The following RBM20 variants were observed in gnomAD, a reference collection of about 807,000 sequenced individuals.
RBM20 encodes the protein RNA binding motif protein 20.
A neutral mutation model predicts 110.1 loss-of-function variants in RBM20; 51 were observed. That is an observed-to-expected ratio of 0.46 (90% CI 0.37 to 0.59). RBM20 has a LOEUF of 0.59. RBM20 is among the 20% of genes least tolerant of loss of function. The pLI is 0.00. For synonymous variants in RBM20, 589 were observed against 618.2 expected (o/e 0.95, Z 0.70); for missense variants, 1,512 against 1,574.9 (o/e 0.96, Z 0.68).
chr10:110,672,516 C>T (rs1862276639), intron 1 of RBM20, among the ~76,000 whole-genome samples: 1 of 152,244 alleles, frequency 6.6e-6, no homozygotes, highest in South Asian at 2.1e-4. Context: ...GATCGTCAGC[C>T]AAAGCCCCCG....
In RBM20 at chr10:110,773,506, C is replaced by A. The variant is rs7080418; in HGVS notation, c.192-7295C>A. ...TGTATTTTAAAATTTTCAAAAAAAA[C>A]CAAATATGGATATTAAAAATAAATT... is the stretch of plus-strand genomic sequence containing the variant. On this transcript the variant is annotated intron_variant, in intron 1 of 13. Coordinates refer to ENST00000369519, the MANE Select transcript of RBM20 (RefSeq NM_001134363.3). 4.9e-3 allele frequency among the ~76,000 whole-genome samples: 748 copies of A among 152,024 alleles called. 1 individual carries two copies. Among genetic ancestry groups the A allele is most frequent in the Middle Eastern group, 0.041 (12 of 294 alleles).
At chr10:110,804,545 G>A (rs1844671338) in intron 7 of RBM20, among the ~76,000 whole-genome samples, 1 of 152,200 alleles carries the variant, frequency 6.6e-6, no homozygotes, top group Non-Finnish European at 1.5e-5. Flanking sequence ...ATTTCTTCAT[G>A]CACATATCTT....
At chr10:110,785,646 G>A (rs1159315904) in intron 5 of RBM20, among the ~76,000 whole-genome samples, 1 of 152,112 alleles carries the variant, frequency 6.6e-6, no homozygotes, top group Non-Finnish European at 1.5e-5. Flanking sequence ...GCCTAGAGGT[G>A]CTGACCTGGC....
rs752173056 is a variant in RBM20 at position 110,836,169 on chromosome 10, C to T, written c.*191C>T. The T allele has an allele frequency of 1.6e-5, 7 of 432,980 alleles. No individual in the cohort carries two copies. Among genetic ancestry groups the T allele is most frequent in the African/African-American group, 2.0e-5 (1 of 49,374 alleles). 26.8% of individuals were successfully genotyped at this position (432,980 alleles called of 1,614,324 possible). A position where few individuals can be genotyped will look rare whatever the true frequency, so the allele number is the denominator to read the frequency against. Reference sequence around the variant, plus strand: ...GATATGTCTCCAGGAGCAAGTCACCCAGGTGTGTCCAGCCCACTGAGGGTC... The same window carrying T: ...GATATGTCTCCAGGAGCAAGTCACCTAGGTGTGTCCAGCCCACTGAGGGTC... On this transcript the variant is annotated 3_prime_UTR_variant, in exon 14 of 14. Coordinates refer to ENST00000369519, the MANE Select transcript of RBM20 (RefSeq NM_001134363.3).
chr10:110,693,929 C>A (rs1448316563), intron 1 of RBM20, among the ~76,000 whole-genome samples: 1 of 152,138 alleles, frequency 6.6e-6, no homozygotes, highest in Non-Finnish European at 1.5e-5. Context: ...GGTCCTTAGC[C>A]CATTTAATTT....
At chr10:110,725,917 G>A (rs1302373115) in intron 1 of RBM20, among the ~76,000 whole-genome samples, 5 of 152,224 alleles carry the variant, frequency 3.3e-5, no homozygotes, top group African/African-American at 9.6e-5. Context: ...AATCTGCTGC[G>A]TGTGCAGCCT....
chr10:110,725,367 C>T (rs140055160), intron 1 of RBM20, among the ~76,000 whole-genome samples: 7 of 152,274 alleles, frequency 4.6e-5, no homozygotes, highest in African/African-American at 1.7e-4. Context: ...ACCTGTAGGT[C>T]AATAACGCCT....
intron 1 of RBM20, among the ~76,000 whole-genome samples, chr10:110,696,619 A>G (rs1195623347): frequency 6.6e-6 from 1 of 152,172 alleles, no homozygotes; most frequent in African/African-American, 2.4e-5. Flanking sequence ...CAGATGGGCC[A>G]AGCGCAACCG....
chr10:110,811,958 G>A lies in RBM20; in HGVS notation c.1881-320G>A, dbSNP rs564175618. 1.4e-4 allele frequency among the ~76,000 whole-genome samples: 21 copies of A among 152,302 alleles called. No individual in the cohort carries two copies. In the East Asian group the frequency reaches 1.7e-3, roughly 13 times the overall value. ...GGAGAGTCAGAGGTCCGCTCCCTGA[G>A]CATAGCTCCCTTCCAAGAGAAGGCA... On this transcript the variant is annotated intron_variant, in intron 8 of 13. Coordinates refer to ENST00000369519, the MANE Select transcript of RBM20 (RefSeq NM_001134363.3).
In RBM20 at chr10:110,781,187, C is replaced by T; in HGVS notation, c.578C>T (p.Ala193Val). 6.4e-7 allele frequency: 1 copy of T among 1,551,686 alleles called. No homozygotes were observed. Among genetic ancestry groups the T allele is most frequent in the Non-Finnish European group, 8.7e-7 (1 of 1,146,998 alleles). Residue 193 changes from alanine (A) to valine (V), a missense_variant, in exon 2 of 14, where the codon GCC becomes GTC. This residue lies in a region of RBM20 where 1,149 missense variants were observed against 1,169.4 expected (regional missense o/e 0.98). Coordinates refer to ENST00000369519, the MANE Select transcript of RBM20 (RefSeq NM_001134363.3). ...SMNLPNQPPSAMVMHPFTGVM... is the reference protein window; with the variant it reads ...SMNLPNQPPSVMVMHPFTGVM... ...AACCTTCCCAACCAGCCACCCAGTGCCATGGTGATGCATCCTTTCACTGGG... is the reference window on the plus strand; with the variant it reads ...AACCTTCCCAACCAGCCACCCAGTGTCATGGTGATGCATCCTTTCACTGGG...
intron 9 of RBM20, among the ~76,000 whole-genome samples, chr10:110,816,627 A>G (rs570893843): frequency 1.2e-4 from 19 of 152,148 alleles, no homozygotes; most frequent in African/African-American, 4.3e-4. Context: ...CTTAGTGTCT[A>G]TTGTCACCCC....
intron 1 of RBM20, among the ~76,000 whole-genome samples, chr10:110,773,825 T>G (rs1447295751): frequency 1.3e-5 from 2 of 152,168 alleles, no homozygotes; most frequent in Non-Finnish European, 2.9e-5. Context: ...CCATTGTGAC[T>G]GCATAGTCCC....
In RBM20 at chr10:110,665,130, C is replaced by T. The variant is rs914470609; in HGVS notation, c.191+20485C>T. 2.6e-5 allele frequency among the ~76,000 whole-genome samples: 4 copies of T among 152,168 alleles called. No homozygotes were observed. In the East Asian group the frequency reaches 7.7e-4, roughly 29 times the overall value. On this transcript the variant is annotated intron_variant, in intron 1 of 13. Transcript: ENST00000369519. Reference sequence around the variant, plus strand: ...GGCTTCGGTGATCTTCCCGCCTCAGCCTCGCAAAGTGTTGGATTACAGGCA... The same window carrying T: ...GGCTTCGGTGATCTTCCCGCCTCAGTCTCGCAAAGTGTTGGATTACAGGCA...
chr10:110,724,223 C>CAAAAA (rs1843538584), intron 1 of RBM20, among the ~76,000 whole-genome samples: 1 of 152,132 alleles, frequency 6.6e-6, no homozygotes, highest in Non-Finnish European at 1.5e-5. Flanking sequence ...AACAAATGAC[C>CAAAAA]AAACAAAACA....
At chr10:110,809,404 C>T (rs1039195978) in intron 7 of RBM20, among the ~76,000 whole-genome samples, 1 of 151,968 alleles carries the variant, frequency 6.6e-6, no homozygotes, top group Non-Finnish European at 1.5e-5. Flanking sequence ...ATTCACTCTG[C>T]TTGCTACATT....
chr10:110,705,121 C>T (rs1171351961), intron 1 of RBM20, among the ~76,000 whole-genome samples: 3 of 152,180 alleles, frequency 2.0e-5, no homozygotes, highest in Admixed American at 6.5e-5. Context: ...GTGGTTTTCC[C>T]GGCCTCCAGC....
chr10:110,770,459 G>A (rs894838784), intron 1 of RBM20, among the ~76,000 whole-genome samples: 3 of 152,298 alleles, frequency 2.0e-5, no homozygotes, highest in East Asian at 1.9e-4. Context: ...AACTAAGGTC[G>A]ATAGGGTGAC....
At chr10:110,819,381 C>CT (rs1844879913) in intron 9 of RBM20, among the ~76,000 whole-genome samples, 1 of 152,260 alleles carries the variant, frequency 6.6e-6, no homozygotes, top group South Asian at 2.1e-4. Flanking sequence ...TATACAAAAA[C>CT]AGGCTGTAGG....
chr10:110,699,387 T>C (rs1208337571), intron 1 of RBM20, among the ~76,000 whole-genome samples: 1 of 151,580 alleles, frequency 6.6e-6, no homozygotes, highest in East Asian at 1.9e-4. Context: ...TTCTCATGCC[T>C]GAGTCTCCCA....
Sources: allele counts gnomAD v4.1 joint callset (sites outside exome capture counted in the v4.1 genomes callset), GRCh38; gene constraint gnomAD v4.1.1; regional missense constraint gnomAD v4.1.1; transcripts MANE v1.5; gene names NCBI Gene and HGNC (gene_info 2026-07-23, HGNC 2026-07-21).